GLIPR1L1: variants seen among roughly 807,000 people sequenced by gnomAD.
The protein encoded by GLIPR1L1 is GLIPR1 like 1, also known as GLIPR1-like protein 1.
Under a neutral mutation model 29.9 loss-of-function variants are expected in GLIPR1L1, and 26 were observed. That is an observed-to-expected ratio of 0.87 (90% CI 0.64 to 1.21). GLIPR1L1 has a LOEUF of 1.21. Ranked by LOEUF, GLIPR1L1 falls within the 50% of genes most tolerant of loss-of-function variation. The probability of loss-of-function intolerance (pLI) is 0.00; values close to 1 mark genes in which losing one functional copy is unlikely to be tolerated. For missense variants in GLIPR1L1, 305 were observed against 290.3 expected (o/e 1.05, Z -0.37); for synonymous variants, 77 against 97.5 (o/e 0.79, Z 1.24).
rs11180477 is a variant in GLIPR1L1, at chr12:75,365,588, T to G, written c.610+2398T>G. ...TCCTATCATTTTTTAAGTTGGATGT[T>G]GCCCAGAGAGTTAATGAATATACAT... is the stretch of plus-strand genomic sequence containing the variant. On this transcript the variant is annotated intron_variant, in intron 4 of 5. Coordinates refer to ENST00000378695, the MANE Select transcript of GLIPR1L1 (RefSeq NM_001304964.2). Among the ~76,000 whole-genome samples, 209 of 152,260 alleles carry G rather than the reference T, an allele frequency of 1.4e-3. 4 individuals are homozygous for G. The East Asian group carries it at 0.038, about 28-fold the overall frequency.
intron 3 of GLIPR1L1, among the ~76,000 whole-genome samples, chr12:75,351,508 C>A (rs1450723781): frequency 1.3e-5 from 2 of 151,780 alleles, no homozygotes; most frequent in Non-Finnish European, 2.9e-5. Context: ...TCCTAAAAAC[C>A]AGAAGAGATT....
rs1391884832 is a variant in GLIPR1L1, at chr12:75,335,011, T to C, written c.174+109T>C. On this transcript the variant is annotated intron_variant, in intron 1 of 5. Transcript: ENST00000378695. ...ACTAATTCAATCCGGACTTTACATA[T>C]ATGCAGTTAAAAAGAAAAAAATTCA... 4 of 1,090,010 alleles carry C rather than the reference T, an allele frequency of 3.7e-6. No individual in the cohort carries two copies. In the East Asian group the frequency reaches 7.6e-5, roughly 21 times the overall value. The allele number at this position is 1,090,010 out of a possible 1,614,324, so 67.5% of individuals were successfully genotyped here. A position where few individuals can be genotyped will look rare whatever the true frequency, so the allele number is the denominator to read the frequency against.
intron 1 of GLIPR1L1, among the ~76,000 whole-genome samples, chr12:75,338,088 A>G (rs1368470130): frequency 6.6e-6 from 1 of 152,186 alleles, no homozygotes; most frequent in Non-Finnish European, 1.5e-5. Context: ...TGAAACTGAA[A>G]GAGAAAACCT....
intron 4 of GLIPR1L1, among the ~76,000 whole-genome samples, chr12:75,367,844 A>T (rs2044087587): frequency 6.6e-6 from 1 of 152,166 alleles, no homozygotes; most frequent in South Asian, 2.1e-4. Flanking sequence ...TGTTGAGCAT[A>T]AGCTGTAACA....
chr12:75,363,084 T>C lies in GLIPR1L1; in HGVS notation c.522-18T>C. ...AATTAACAGCCATTTGGCTAATCAATGTTTCTCTTTTTTACAGAGGAAATT... is the reference window on the plus strand; with the variant it reads ...AATTAACAGCCATTTGGCTAATCAACGTTTCTCTTTTTTACAGAGGAAATT... On this transcript the variant is annotated intron_variant, in intron 3 of 5. Transcript: ENST00000378695. 1.4e-6 allele frequency: 2 copies of C among 1,382,922 alleles called. No homozygotes were observed. The allele number at this position is 1,382,922 out of a possible 1,614,324, so 85.7% of individuals were successfully genotyped here. A position where few individuals can be genotyped will look rare whatever the true frequency, so the allele number is the denominator to read the frequency against.
At chr12:75,352,987 G>A (rs11532496) in intron 3 of GLIPR1L1, among the ~76,000 whole-genome samples, 11,610 of 152,154 alleles carry the variant, frequency 0.076, 591 homozygotes, top group South Asian at 0.25. Flanking sequence ...CTGGGACGCA[G>A]CTAAAGCAGT....
intron 3 of GLIPR1L1, among the ~76,000 whole-genome samples, chr12:75,351,932 A>AT (rs892085533): frequency 1.1e-4 from 17 of 152,084 alleles, no homozygotes; most frequent in South Asian, 1.0e-3. Context: ...GAGAAATGAG[A>AT]TTTTTTTTCA....
chr12:75,350,833 G>T (rs1385178167), intron 3 of GLIPR1L1, among the ~76,000 whole-genome samples: 2 of 152,180 alleles, frequency 1.3e-5, no homozygotes, highest in Non-Finnish European at 2.9e-5. Flanking sequence ...GCACAGAACT[G>T]GGATGAGGCT....
intron 2 of GLIPR1L1, among the ~76,000 whole-genome samples, chr12:75,346,207 T>C (rs1274237445): frequency 2.0e-5 from 3 of 152,208 alleles, no homozygotes; most frequent in Non-Finnish European, 2.9e-5. Context: ...ATAAGCCAAA[T>C]TGTTAAACAT....
intron 3 of GLIPR1L1, chr12:75,359,889 A>G (rs2043452337): frequency 6.6e-6 from 1 of 152,210 alleles, no homozygotes; most frequent in South Asian, 2.1e-4. Context: ...TGGGTCATTT[A>G]TAAAGGAAAT....
At chr12:75,343,052 T>A (rs1407485055) in intron 1 of GLIPR1L1, among the ~76,000 whole-genome samples, 1 of 151,992 alleles carries the variant, frequency 6.6e-6, no homozygotes, top group Non-Finnish European at 1.5e-5. Flanking sequence ...TTTTTATGTA[T>A]CCAGTCATGT....
chr12:75,369,303 T>A (rs2044198604), intron 4 of GLIPR1L1, among the ~76,000 whole-genome samples: 1 of 151,732 alleles, frequency 6.6e-6, no homozygotes. Context: ...TTATCATTTT[T>A]ACTCATCTTA....
chr12:75,366,987 A>G, intron 4 of GLIPR1L1: 1 of 701,740 alleles, frequency 1.4e-6, no homozygotes, highest in Non-Finnish European at 2.6e-6. Context: ...CAGTAACAAA[A>G]TGTCCTTTCT....
chr12:75,356,060 T>C (rs2043138409), intron 3 of GLIPR1L1, among the ~76,000 whole-genome samples: 1 of 152,104 alleles, frequency 6.6e-6, no homozygotes, highest in South Asian at 2.1e-4. Context: ...AGTTGATCTG[T>C]GCAGCAAACC....
intron 3 of GLIPR1L1, among the ~76,000 whole-genome samples, chr12:75,362,417 G>C (rs940742468): frequency 2.6e-5 from 4 of 152,116 alleles, no homozygotes; most frequent in African/African-American, 9.7e-5. Context: ...TCCCTATAAT[G>C]ATGTATGTAT....
intron 3 of GLIPR1L1, among the ~76,000 whole-genome samples, chr12:75,358,515 G>C (rs144932432): frequency 6.0e-5 from 9 of 150,854 alleles, no homozygotes; most frequent in Non-Finnish European, 1.3e-4. Context: ...CCTGATGAAG[G>C]CTCCTAACAA....
intron 1 of GLIPR1L1, among the ~76,000 whole-genome samples, chr12:75,339,703 G>A (rs565938349): frequency 1.3e-5 from 2 of 152,180 alleles, no homozygotes; most frequent in Non-Finnish European, 1.5e-5. Flanking sequence ...TTTTCTTCTA[G>A]GGTTTTTATG....
At chr12:75,337,489 TAAAG>T (rs1395784151) in intron 1 of GLIPR1L1, among the ~76,000 whole-genome samples, 1 of 152,012 alleles carries the variant, frequency 6.6e-6, no homozygotes, top group East Asian at 1.9e-4. Context: ...TTTTACAACA[TAAAG>T]AAAATAAATG....
chr12:75,370,097 T>C lies in GLIPR1L1; in HGVS notation c.650T>C (p.Leu217Pro), dbSNP rs1425456970. 1 of 1,603,750 alleles carries C rather than the reference T, an allele frequency of 6.2e-7. No individual in the cohort carries two copies. Among genetic ancestry groups the C allele is most frequent in the Non-Finnish European group, 8.5e-7 (1 of 1,173,284 alleles). Reference sequence around the variant, plus strand: ...TTGTTTTTGACAGAAAATCCATTTCTGAAGCCAACGGGGAGAGCACCTCAG... The same window carrying C: ...TTGTTTTTGACAGAAAATCCATTTCCGAAGCCAACGGGGAGAGCACCTCAG... ...QLIIPNQNPF[L>P]KPTGRAPQQT... The change falls in exon 6 of 6, where the codon CTG becomes CCG. Residue 217 changes from leucine (L) to proline (P), a missense_variant. By Grantham distance (98) the Leu-to-Pro change is moderately conservative. Coordinates refer to ENST00000378695, the MANE Select transcript of GLIPR1L1 (RefSeq NM_001304964.2).
Sources: gnomAD v4.1 joint callset for allele counts (sites outside exome capture counted in the v4.1 genomes callset) on GRCh38, gnomAD v4.1.1 for gene constraint, MANE v1.5 for transcripts, NCBI Gene and HGNC (gene_info 2026-07-23, HGNC 2026-07-21) for gene names.